ZNF878: variants seen among roughly 807,000 people sequenced by gnomAD.
ZNF878 encodes the protein zinc finger protein 878.
ZNF878 carries 10 observed loss-of-function variants against 11.1 expected under a neutral mutation model. The ratio of observed to expected loss-of-function variants is 0.90; its 90% CI spans 0.56 to 1.53. The LOEUF is 1.53. ZNF878 is among the 40% of genes most tolerant of loss of function. The probability of loss-of-function intolerance (pLI) is 0.00; values close to 1 mark genes in which losing one functional copy is unlikely to be tolerated. For missense variants in ZNF878, 548 were observed against 626.1 expected (o/e 0.88, Z 1.33); for synonymous variants, 165 against 209.7 (o/e 0.79, Z 1.84).
At position 12,044,008 on chromosome 19, in the gene ZNF878, A is replaced by G; in HGVS notation, c.1393T>C (p.Ser465Pro). The change falls in exon 4 of 4, where the codon TCT becomes CCT. Residue 465 changes from serine (S) to proline (P), a missense_variant. Ser to Pro is a moderately conservative substitution (Grantham distance 74, BLOSUM62 -1). This residue lies in a region of ZNF878 where 335 missense variants were observed against 358.2 expected (regional missense o/e 0.94). Coordinates refer to ENST00000547628, the MANE Select transcript of ZNF878 (RefSeq NM_001080404.3). ...QCGKAFISSN[S>P]IRYHKRTHTG... is the part of the protein sequence containing the mutation. ...TGAGTCCTTTTATGATAGCGAATAG[A>G]ATTAGAAGAAATGAAGGCTTTTCCA... The G allele has an allele frequency of 6.2e-7, 1 of 1,610,002 alleles. No individual in the cohort carries two copies. The highest frequency in any genetic ancestry group is 1.1e-5 in the South Asian group (1 of 90,794).
Position 12,052,788 on chromosome 19 carries a change from C to T in ZNF878, c.3+11G>A, listed in dbSNP as rs766841754. The T allele has an allele frequency of 2.2e-5, 34 of 1,535,862 alleles. 1 individual carries two copies. In the South Asian group the frequency reaches 3.2e-4, roughly 15 times the overall value. ...CTTTCGCCTTGGGACTCCCCAGCAC[C>T]GCATGCTCACCATTTCCTGGCTTCC... On this transcript the variant is annotated intron_variant, in intron 1 of 3. Transcript: ENST00000547628.
At chr19:12,049,742 C>T (rs1468257142) in intron 1 of ZNF878, among the ~76,000 whole-genome samples, 1 of 151,176 alleles carries the variant, frequency 6.6e-6, no homozygotes, top group Non-Finnish European at 1.5e-5. Flanking sequence ...TGTACTCCAG[C>T]TTGGGCAACA....
chr19:12,047,691 C>T (rs1975508153), intron 1 of ZNF878, among the ~76,000 whole-genome samples: 1 of 152,046 alleles, frequency 6.6e-6, no homozygotes, highest in Non-Finnish European at 1.5e-5. Context: ...GACACAGTGG[C>T]TCATGCCTAT....
intron 1 of ZNF878, among the ~76,000 whole-genome samples, chr19:12,048,963 T>G (rs769940221): frequency 6.6e-6 from 1 of 151,014 alleles, no homozygotes; most frequent in East Asian, 2.0e-4. Flanking sequence ...GCCAATATAG[T>G]GAAACTCCAT....
In ZNF878 at chr19:12,044,413, C is replaced by T. The variant is rs755457306; in HGVS notation, c.988G>A (p.Glu330Lys). Residue 330 changes from glutamate (E) to lysine (K), a missense_variant, in exon 4 of 4, where the codon GAA becomes AAA. Physicochemically the swap from Glu to Lys is moderately conservative, Grantham distance 56. Transcript: ENST00000547628. Reference sequence around the variant, plus strand: ...GGTTTCTCTCCAGTGTGAGTCTTTTCATGATAGCGAAAGGAAGTGGAAGAA... The same window carrying T: ...GGTTTCTCTCCAGTGTGAGTCTTTTTATGATAGCGAAAGGAAGTGGAAGAA... Reference protein sequence around the residue: ...FISSTSFRYHEKTHTGEKPYE... With the variant: ...FISSTSFRYHKKTHTGEKPYE... 1 of 1,613,648 alleles carries T rather than the reference C, an allele frequency of 6.2e-7. No individual in the cohort carries two copies. The highest frequency in any genetic ancestry group is 1.1e-5 in the South Asian group (1 of 91,044).
chr19:12,044,968 A>C lies in ZNF878; in HGVS notation c.433T>G (p.Cys145Gly). The C allele has an allele frequency of 1.2e-6, 2 of 1,614,154 alleles. No homozygotes were observed. The highest frequency in any genetic ancestry group is 1.7e-6 in the Non-Finnish European group (2 of 1,180,032). Residue 145 changes from cysteine to glycine, a missense_variant, in exon 4 of 4, where the codon TGT (cysteine) becomes GGT (glycine). Coordinates refer to ENST00000547628, the MANE Select transcript of ZNF878 (RefSeq NM_001080404.3). ...RTHTGEKPYE[C>G]KECGKAFRFP... ...CTGAATGCTTTCCCACATTCCTTAC[A>C]TTCATAAGGCTTTTCCCCAGTGTGA...
chr19:12,049,938 A>G (rs1230922988), intron 1 of ZNF878, among the ~76,000 whole-genome samples: 2 of 151,870 alleles, frequency 1.3e-5, no homozygotes, highest in East Asian at 3.9e-4. Context: ...AAAACATCCA[A>G]TTTTGGCCGG....
rs1372861065 is a variant in ZNF878 at position 12,046,725 on chromosome 19, G to A, written c.39C>T (p.Phe13=). 6.2e-7 allele frequency: 1 copy of A among 1,613,966 alleles called. No individual in the cohort carries two copies. Among genetic ancestry groups the A allele is most frequent in the African/African-American group, 1.3e-5 (1 of 74,892 alleles). The change falls in exon 2 of 4, where the codon TTC becomes TTT. Residue 13 remains phenylalanine, a synonymous_variant. Coordinates refer to ENST00000547628, the MANE Select transcript of ZNF878 (RefSeq NM_001080404.3). ...SVAFEDVAVN[F]TQEEWALLDP... is the part of the protein sequence containing the mutation. ...CCAGCAAAGCCCACTCCTCCTGGGT[G>A]AAGTTCACAGCCACATCCTCAAAGG...
At chr19:12,052,236 G>A (rs1975558627) in intron 1 of ZNF878, among the ~76,000 whole-genome samples, 1 of 152,138 alleles carries the variant, frequency 6.6e-6, no homozygotes, top group African/African-American at 2.4e-5. Flanking sequence ...CAGACTTCGC[G>A]GGGTTGTGTT....
At chr19:12,050,540 G>A (rs1278435681) in intron 1 of ZNF878, among the ~76,000 whole-genome samples, 1 of 152,138 alleles carries the variant, frequency 6.6e-6, no homozygotes, top group Non-Finnish European at 1.5e-5. Flanking sequence ...TGCCATTCTG[G>A]GGTTGAGACA....
At position 12,048,832 on chromosome 19, in the gene ZNF878, C is replaced by CAA. The variant is rs561825894; in HGVS notation, c.4-2074_4-2073dup. ...TGGGCAACAGAGCAAGACTCTGTCT[C>CAA]AAAAAAAAAAAAAAAGAAAAGAAAA... On this transcript the variant is annotated intron_variant, in intron 1 of 3. Coordinates refer to ENST00000547628, the MANE Select transcript of ZNF878 (RefSeq NM_001080404.3). 1.6e-3 allele frequency among the ~76,000 whole-genome samples: 142 copies of CAA among 86,360 alleles called. 1 individual carries two copies. Among genetic ancestry groups the CAA allele is most frequent in the African/African-American group, 2.9e-3 (83 of 28,970 alleles). 56.7% of individuals were successfully genotyped at this position (86,360 alleles called of 152,430 possible).
chr19:12,047,656 A>T (rs753225416), intron 1 of ZNF878, among the ~76,000 whole-genome samples: 12 of 151,986 alleles, frequency 7.9e-5, no homozygotes, highest in Admixed American at 4.6e-4. Flanking sequence ...AACTGTATGT[A>T]GATAGAAAAA....
In ZNF878 at chr19:12,044,524, T is replaced by C. The variant is rs369389389; in HGVS notation, c.877A>G (p.Arg293Gly). The change falls in exon 4 of 4, where the codon AGA becomes GGA. Residue 293 changes from arginine (R) to glycine (G), a missense_variant. Arg to Gly is a moderately radical substitution (Grantham distance 125). Transcript: ENST00000547628. ...TGTACTCGCAGGTACTTGACAGATC[T>C]GAAGGCTTTCCTACATTGTGTACAC... ...YECTQCRKAF[R>G]SVKYLRVHER... is the part of the protein sequence containing the mutation. 2.5e-6 allele frequency: 4 copies of C among 1,613,742 alleles called. No individual in the cohort carries two copies. In the African/African-American group the frequency reaches 4.0e-5, roughly 16 times the overall value.
At chr19:12,051,867 A>C (rs1208418615) in intron 1 of ZNF878, among the ~76,000 whole-genome samples, 1 of 152,238 alleles carries the variant, frequency 6.6e-6, no homozygotes, top group Admixed American at 6.5e-5. Flanking sequence ...AGATGGCGCC[A>C]CAGCACTTCA....
rs374645750 is a variant in ZNF878, at chr19:12,044,064, G to T, written c.1337C>A (p.Thr446Lys). 1 of 1,613,942 alleles carries T rather than the reference G, an allele frequency of 6.2e-7. No homozygotes were observed. The highest frequency in any genetic ancestry group is 1.1e-5 in the South Asian group (1 of 91,072). ...CTTACACTCATAGGGTTTCTCTCCT[G>T]TGTGAGTCCTTTCATGCATTTTAAG... ...SQLKMHERTHTGEKPYECKQC... is the reference protein window; with the variant it reads ...SQLKMHERTHKGEKPYECKQC... The change falls in exon 4 of 4, where the codon ACA (threonine) becomes AAA (lysine). Residue 446 changes from threonine (T) to lysine (K), a missense_variant. Physicochemically the swap from Thr to Lys is moderately conservative, Grantham distance 78. Coordinates refer to ENST00000547628, the MANE Select transcript of ZNF878 (RefSeq NM_001080404.3).
chr19:12,045,417 G>A (rs1027411075), intron 3 of ZNF878, among the ~76,000 whole-genome samples: 1 of 152,156 alleles, frequency 6.6e-6, no homozygotes, highest in Non-Finnish European at 1.5e-5. Flanking sequence ...GGAGGCCGAG[G>A]AGGGTGGATC....
chr19:12,046,077 T>C, intron 3 of ZNF878: 1 of 343,456 alleles, frequency 2.9e-6, no homozygotes, highest in East Asian at 4.7e-5. Flanking sequence ...TTTTTGTCTG[T>C]TTAGTTTTGA....
chr19:12,048,534 A>G (rs1975518079), intron 1 of ZNF878, among the ~76,000 whole-genome samples: 3 of 151,214 alleles, frequency 2.0e-5, no homozygotes, highest in South Asian at 2.1e-4. Flanking sequence ...AGAAAAAAAA[A>G]AAAGAAAAAA....
At chr19:12,043,767 C>G, downstream of ZNF878, 1 of 1,528,022 alleles carries the variant, frequency 6.5e-7, no homozygotes, top group Non-Finnish European at 8.8e-7. Flanking sequence ...TGAGTCCCAT[C>G]TAAGGACTTT....
Sources: gnomAD v4.1 joint callset for allele counts (sites outside exome capture counted in the v4.1 genomes callset) on GRCh38, gnomAD v4.1.1 for gene constraint, gnomAD v4.1.1 regional missense constraint, MANE v1.5 for transcripts, NCBI Gene and HGNC (gene_info 2026-07-23, HGNC 2026-07-21) for gene names.